ROBO2: variants seen among roughly 807,000 people sequenced by gnomAD.
ROBO2 encodes roundabout guidance receptor 2.
Under a neutral mutation model 160.8 loss-of-function variants are expected in ROBO2, and 53 were observed. The ratio of observed to expected loss-of-function variants is 0.33; its 90% CI spans 0.26 to 0.41. The LOEUF (loss-of-function observed/expected upper bound fraction) is 0.41, where lower values mean the gene tolerates loss of function less well. Ranked by LOEUF, ROBO2 falls within the 10% of genes least tolerant of loss-of-function variation. ROBO2 has a pLI of 1.00. For missense variants in ROBO2, 1,577 were observed against 1,722.4 expected (o/e 0.92, Z 1.49); for synonymous variants, 664 against 611.7 (o/e 1.09, Z -1.26).
intron 2 of ROBO2, among the ~76,000 whole-genome samples, chr3:76,606,462 G>A (rs904938766): frequency 6.6e-6 from 1 of 152,110 alleles, no homozygotes; most frequent in East Asian, 1.9e-4. Flanking sequence ...GAAATAGATT[G>A]ATATCATCTT....
At chr3:76,467,920 A>G (rs1356434038) in intron 2 of ROBO2, among the ~76,000 whole-genome samples, 2 of 152,174 alleles carry the variant, frequency 1.3e-5, no homozygotes, top group Non-Finnish European at 2.9e-5. Flanking sequence ...TTGAGATGTC[A>G]TAAGTAGTAT....
chr3:76,547,879 A>G (rs1450596433), intron 2 of ROBO2, among the ~76,000 whole-genome samples: 1 of 152,164 alleles, frequency 6.6e-6, no homozygotes, highest in Non-Finnish European at 1.5e-5. Context: ...CATAAGCACT[A>G]CAGATGTTGC....
At chr3:76,937,313 C>G (rs2077770966) in intron 2 of ROBO2, among the ~76,000 whole-genome samples, 1 of 151,268 alleles carries the variant, frequency 6.6e-6, no homozygotes, top group Admixed American at 6.6e-5. Context: ...ATGAGAAAAG[C>G]TTTGCAAAAT....
intron 2 of ROBO2, among the ~76,000 whole-genome samples, chr3:76,690,192 A>G (rs1400604259): frequency 6.6e-6 from 1 of 152,146 alleles, no homozygotes; most frequent in Non-Finnish European, 1.5e-5. Flanking sequence ...ATAATTCCCT[A>G]TGGACCAAGA....
intron 2 of ROBO2, among the ~76,000 whole-genome samples, chr3:77,102,849 CAAAAAAAA>C (rs35802711): frequency 5.6e-5 from 6 of 107,564 alleles, no homozygotes; most frequent in African/African-American, 2.3e-4. Context: ...TCTTAGTTTG[CAAAAAAAA>C]AAAAAAAAAA....
intron 8 of ROBO2, among the ~76,000 whole-genome samples, chr3:77,554,299 C>T (rs142476205): frequency 8.9e-4 from 136 of 152,016 alleles, no homozygotes; most frequent in African/African-American, 3.0e-3. Flanking sequence ...TTCTCATCTA[C>T]GTGTACCTTG....
At chr3:76,160,973 G>C (rs2072609388) in intron 2 of ROBO2, among the ~76,000 whole-genome samples, 1 of 152,012 alleles carries the variant, frequency 6.6e-6, no homozygotes, top group African/African-American at 2.4e-5. Context: ...CATGTAGTTT[G>C]AACCAGTCAG....
intron 2 of ROBO2, among the ~76,000 whole-genome samples, chr3:76,194,323 A>T (rs1702142346): frequency 7.0e-6 from 1 of 142,486 alleles, no homozygotes; most frequent in African/African-American, 2.6e-5. Context: ...TTTTATGTAT[A>T]TATATCTATA....
rs1291273731 is a variant in ROBO2 at position 77,291,858 on chromosome 3, A to C, written c.389-185556A>C. 2.0e-5 allele frequency among the ~76,000 whole-genome samples: 3 copies of C among 151,816 alleles called. No homozygotes were observed. In the East Asian group the frequency reaches 5.8e-4, roughly 29 times the overall value. On this transcript the variant is annotated intron_variant, in intron 2 of 25. Coordinates refer to ENST00000461745, the Ensembl canonical transcript of ROBO2. ...TAAACGGGTAAGCTGAGGCTAGATC[A>C]CCCCAGACATAAAGTAAAATTGATG...
intron 2 of ROBO2, among the ~76,000 whole-genome samples, chr3:76,024,183 A>T (rs2066660571): frequency 1.3e-5 from 2 of 151,496 alleles, no homozygotes; most frequent in Admixed American, 1.3e-4. Flanking sequence ...TAGCACTTAT[A>T]ACATTAAAAT....
intron 2 of ROBO2, among the ~76,000 whole-genome samples, chr3:76,449,230 T>C (rs1034242177): frequency 6.6e-6 from 1 of 152,160 alleles, no homozygotes; most frequent in Non-Finnish European, 1.5e-5. Flanking sequence ...CTGTTATGTA[T>C]TTTTTATAAA....
chr3:77,582,863 A>G lies in ROBO2; in HGVS notation c.2500+2745A>G, dbSNP rs2093953799. ...TGCTCCATAAATTCAGTCCCTGGTC[A>G]GGCGCAGTGGCTCACGTCTGTAATC... On this transcript the variant is annotated intron_variant, in intron 16 of 25. Transcript: ENST00000461745. Among the ~76,000 whole-genome samples, 4 of 152,080 alleles carry G rather than the reference A, an allele frequency of 2.6e-5. No individual in the cohort carries two copies. In the South Asian group the frequency reaches 6.2e-4, roughly 24 times the overall value.
chr3:76,060,356 G>C (rs2068030415), intron 2 of ROBO2, among the ~76,000 whole-genome samples: 1 of 152,204 alleles, frequency 6.6e-6, no homozygotes, highest in Non-Finnish European at 1.5e-5. Context: ...TGTGGTGAAG[G>C]AGTGAATAAG....
chr3:76,392,712 G>C (rs1246616668), intron 2 of ROBO2, among the ~76,000 whole-genome samples: 1 of 152,124 alleles, frequency 6.6e-6, no homozygotes, highest in Non-Finnish European at 1.5e-5. Context: ...TTTTATAGAA[G>C]ATAGATATGT....
intron 2 of ROBO2, among the ~76,000 whole-genome samples, chr3:77,210,176 T>A (rs905432906): frequency 6.6e-6 from 1 of 151,614 alleles, no homozygotes; most frequent in Admixed American, 6.6e-5. Context: ...TCCTTCTTCA[T>A]TGTGGAAAAT....
intron 2 of ROBO2, among the ~76,000 whole-genome samples, chr3:76,887,608 T>TA: frequency 6.6e-6 from 1 of 152,212 alleles, no homozygotes; most frequent in East Asian, 1.9e-4. Flanking sequence ...ATTGCTGTTA[T>TA]AAAAAATGTC....
At chr3:76,948,010 G>A (rs1218776693) in intron 2 of ROBO2, among the ~76,000 whole-genome samples, 1 of 152,134 alleles carries the variant, frequency 6.6e-6, no homozygotes, top group Non-Finnish European at 1.5e-5. Context: ...TGTTTTTGAA[G>A]TATTCTCTTT....
At chr3:77,212,207 G>T (rs1055987782) in intron 2 of ROBO2, among the ~76,000 whole-genome samples, 1 of 152,190 alleles carries the variant, frequency 6.6e-6, no homozygotes, top group Admixed American at 6.5e-5. Context: ...CTACCCATGA[G>T]CATGGAATGT....
At chr3:76,578,648 C>T (rs2085464111) in intron 2 of ROBO2, among the ~76,000 whole-genome samples, 1 of 152,098 alleles carries the variant, frequency 6.6e-6, no homozygotes, top group Non-Finnish European at 1.5e-5. Context: ...CCCTCGCCTC[C>T]CTTGATGGTT....
Sources: gnomAD v4.1 joint callset for allele counts (sites outside exome capture counted in the v4.1 genomes callset) on GRCh38, gnomAD v4.1.1 for gene constraint, MANE v1.5 for transcripts, NCBI Gene and HGNC (gene_info 2026-07-23, HGNC 2026-07-21) for gene names.